The following SDK1 variants were observed in gnomAD, a reference collection of about 807,000 sequenced individuals.
SDK1 encodes protein sidekick-1.
In SDK1, 157 loss-of-function variants were observed where a neutral mutation model predicts 245.5. The observed-to-expected ratio is 0.64, with a 90% CI of 0.56 to 0.73. SDK1 has a LOEUF of 0.73. Among genes scored for constraint, SDK1 ranks in the 30% least tolerant of loss-of-function variants. The pLI is 0.00. For missense variants in SDK1, 3,583 were observed against 3,002.3 expected, an observed-to-expected ratio of 1.19 and a Z score of -4.52; for synonymous variants, 1,647 against 1,278.5, an observed-to-expected ratio of 1.29 and a Z score of -6.15.
At chr7:3,414,648 A>G (rs1330121406) in intron 1 of SDK1, among the ~76,000 whole-genome samples, 3 of 152,222 alleles carry the variant, frequency 2.0e-5, no homozygotes, top group Admixed American at 1.3e-4. Flanking sequence ...GATTTTTCAC[A>G]TAATCGTAAG....
intron 13 of SDK1, among the ~76,000 whole-genome samples, chr7:3,980,388 C>G (rs1169768356): frequency 6.6e-6 from 1 of 152,232 alleles, no homozygotes; most frequent in East Asian, 1.9e-4. Context: ...CAAAGTGACT[C>G]AGCACTGGGC....
chr7:3,584,993 G>T (rs1780638456), intron 1 of SDK1, among the ~76,000 whole-genome samples: 1 of 152,034 alleles, frequency 6.6e-6, no homozygotes, highest in Admixed American at 6.6e-5. Flanking sequence ...CAAAGTGCTG[G>T]GATTACAGAC....
intron 1 of SDK1, among the ~76,000 whole-genome samples, chr7:3,482,486 C>A (rs1429481377): frequency 6.6e-6 from 1 of 152,056 alleles, no homozygotes; most frequent in Non-Finnish European, 1.5e-5. Flanking sequence ...ACCCTAAAGT[C>A]CGTAATGTAA....
intron 22 of SDK1, among the ~76,000 whole-genome samples, chr7:4,102,079 A>G (rs1782587941): frequency 6.6e-6 from 1 of 152,220 alleles, no homozygotes; most frequent in South Asian, 2.1e-4. Flanking sequence ...GGGAATCTAG[A>G]GCTGGGCTGA....
At chr7:3,363,785 C>T (rs1781015256) in intron 1 of SDK1, among the ~76,000 whole-genome samples, 1 of 152,216 alleles carries the variant, frequency 6.6e-6, no homozygotes, top group Middle Eastern at 3.2e-3. Flanking sequence ...GCTCCTTCGT[C>T]CACTGCTCCC....
At chr7:3,840,050 G>A (rs981072967) in intron 5 of SDK1, among the ~76,000 whole-genome samples, 6 of 152,098 alleles carry the variant, frequency 3.9e-5, no homozygotes, top group African/African-American at 7.2e-5. Context: ...GGGTCCCTCC[G>A]TATGATAGAA....
At position 4,221,283 on chromosome 7, in the gene SDK1, T is replaced by C. The variant is rs778497477; in HGVS notation, c.5746T>C (p.Ser1916Pro). ...PRDVLVTKSASELTLQWTEGH... is the reference protein window; with the variant it reads ...PRDVLVTKSAPELTLQWTEGH... Reference sequence around the variant, plus strand: ...AGATGTCCTGGTCACCAAGTCCGCCTCTGAACTGACGCTGCAGTGGACTGA... The same window carrying C: ...AGATGTCCTGGTCACCAAGTCCGCCCCTGAACTGACGCTGCAGTGGACTGA... The change falls in exon 40 of 45, where the codon TCT becomes CCT. Residue 1916 changes from serine to proline, a missense_variant. By Grantham distance (74) the Ser-to-Pro change is moderately conservative (BLOSUM62 -1). Transcript: ENST00000404826. 6.2e-7 allele frequency: 1 copy of C among 1,613,884 alleles called. No individual in the cohort carries two copies. Among genetic ancestry groups the C allele is most frequent in the South Asian group, 1.1e-5 (1 of 91,072 alleles).
chr7:4,193,166 A>AATATTTATATATTGTATAAATATATTAAT (rs1562413729), intron 35 of SDK1, among the ~76,000 whole-genome samples: 28 of 133,358 alleles, frequency 2.1e-4, no homozygotes, highest in Non-Finnish European at 3.4e-4. Context: ...TATATATTAA[A>AATATTTATATATTGTATAAATATATTAAT]ATATTTATAT....
chr7:3,372,678 G>A (rs1257967634), intron 1 of SDK1, among the ~76,000 whole-genome samples: 1 of 152,150 alleles, frequency 6.6e-6, no homozygotes, highest in Non-Finnish European at 1.5e-5. Context: ...TCTGTTGTGA[G>A]AGTTGGAGTT....
intron 4 of SDK1, among the ~76,000 whole-genome samples, chr7:3,673,342 G>T (rs992826850): frequency 1.2e-4 from 18 of 152,314 alleles, no homozygotes; most frequent in Non-Finnish European, 8.8e-5. Context: ...AGTGTCAATA[G>T]AGACAAAAGG....
At chr7:3,904,866 G>A (rs1281094432) in intron 5 of SDK1, among the ~76,000 whole-genome samples, 4 of 151,858 alleles carry the variant, frequency 2.6e-5, no homozygotes, top group South Asian at 2.1e-4. Context: ...GGTGGTGGGC[G>A]CCTGTAGTCC....
At chr7:3,863,122 C>T (rs562788638) in intron 5 of SDK1, among the ~76,000 whole-genome samples, 75 of 152,298 alleles carry the variant, frequency 4.9e-4, no homozygotes, top group African/African-American at 1.6e-3. Context: ...CTGGTGCAAA[C>T]CCTCAGCCTG....
intron 28 of SDK1, among the ~76,000 whole-genome samples, chr7:4,138,858 G>C (rs1192075466): frequency 6.6e-6 from 1 of 152,190 alleles, no homozygotes; most frequent in Non-Finnish European, 1.5e-5. Context: ...TTATCTCTGA[G>C]TGGCAGCATG....
chr7:4,114,068 C>T lies in SDK1; in HGVS notation c.3617C>T (p.Pro1206Leu). ...PLPDSQYNGNPESVGYRIKYW... is the reference protein window; with the variant it reads ...PLPDSQYNGNLESVGYRIKYW... ...CCGGATTCTCAGTACAACGGGAACCCCGAGTCCGTGGGCTACAGGATTAAG... is the reference window on the plus strand; with the variant it reads ...CCGGATTCTCAGTACAACGGGAACCTCGAGTCCGTGGGCTACAGGATTAAG... Residue 1206 changes from proline (P) to leucine (L), a missense_variant, in exon 25 of 45, where the codon CCC (proline) becomes CTC (leucine). Physicochemically the swap from Pro to Leu is moderately conservative, Grantham distance 98 (BLOSUM62 -3). Transcript: ENST00000404826. The T allele has an allele frequency of 1.9e-6, 3 of 1,614,198 alleles. No homozygotes were observed. Among genetic ancestry groups the T allele is most frequent in the Non-Finnish European group, 2.5e-6 (3 of 1,180,042 alleles).
intron 5 of SDK1, among the ~76,000 whole-genome samples, chr7:3,933,217 C>T (rs767655377): frequency 1.5e-4 from 21 of 144,014 alleles, no homozygotes; most frequent in Non-Finnish European, 2.8e-4. Context: ...CTCAAGTGAT[C>T]CTCCTGTCTC....
At chr7:3,571,409 C>T (rs1027936102) in intron 1 of SDK1, among the ~76,000 whole-genome samples, 12 of 152,010 alleles carry the variant, frequency 7.9e-5, no homozygotes, top group East Asian at 1.9e-4. Context: ...TTCAAGTGAT[C>T]CTCCAGCCTC....
At chr7:3,786,143 G>C (rs1046238440) in intron 4 of SDK1, among the ~76,000 whole-genome samples, 1 of 152,028 alleles carries the variant, frequency 6.6e-6, no homozygotes, top group East Asian at 1.9e-4. Flanking sequence ...GGTTCTGTCT[G>C]TTAATTTATC....
chr7:3,500,108 G>T (rs1019290646), intron 1 of SDK1, among the ~76,000 whole-genome samples: 2 of 152,112 alleles, frequency 1.3e-5, no homozygotes, highest in Non-Finnish European at 2.9e-5. Flanking sequence ...GGGGTTTAGG[G>T]GGGGTCTGGT....
chr7:3,403,154 G>C (rs564571057), intron 1 of SDK1, among the ~76,000 whole-genome samples: 1 of 152,102 alleles, frequency 6.6e-6, no homozygotes, highest in South Asian at 2.1e-4. Flanking sequence ...GGCTGGTCTT[G>C]AACTCCTGAC....
Sources: allele counts gnomAD v4.1 joint callset (sites outside exome capture counted in the v4.1 genomes callset), GRCh38; gene constraint gnomAD v4.1.1; transcripts MANE v1.5; gene names NCBI Gene and HGNC (gene_info 2026-07-23, HGNC 2026-07-21).